The following ZNF233 variants were observed in gnomAD, a reference collection of about 807,000 sequenced individuals.
ZNF233 encodes zinc finger protein 233.
In ZNF233, 7 loss-of-function variants were observed where a neutral mutation model predicts 11.6. The ratio of observed to expected loss-of-function variants is 0.60; its 90% CI spans 0.34 to 1.13. ZNF233 has a LOEUF of 1.13. ZNF233 is among the 50% of genes most tolerant of loss of function. The pLI is 0.03. For missense variants in ZNF233, 711 were observed against 785.5 expected (o/e 0.91, Z 1.13); for synonymous variants, 226 against 268.5 (o/e 0.84, Z 1.55).
Position 44,274,991 on chromosome 19 carries a change from C to G in ZNF233, c.*318C>G, listed in dbSNP as rs1975354986. The G allele has an allele frequency of 2.4e-6, 1 of 410,628 alleles. No homozygotes were observed. Among genetic ancestry groups the G allele is most frequent in the African/African-American group, 2.1e-5 (1 of 48,692 alleles). The allele number at this position is 410,628 out of a possible 1,614,324, so 25.4% of individuals were successfully genotyped here. ...CAATAAGCAATATGCAGGAGTGAAG[C>G]CTTCAAAATGATAAGTAAGGTCAGA... is the stretch of plus-strand genomic sequence containing the variant. On this transcript the variant is annotated 3_prime_UTR_variant, in exon 5 of 5. Transcript: ENST00000683810.
Position 44,273,211 on chromosome 19 carries a change from G to A in ZNF233, c.551G>A (p.Arg184Lys), listed in dbSNP as rs758836318. 3 of 1,613,682 alleles carry A rather than the reference G, an allele frequency of 1.9e-6. No individual in the cohort carries two copies. In the African/African-American group the frequency reaches 4.0e-5, roughly 22 times the overall value. ...TTGAGGACCACCTGGGATTTCTGGA[G>A]GAAAATGTATCTGAGAGAACCACAG... The part of the protein sequence containing the change: ...LPLRTTWDFW[R>K]KMYLREPQNY... The change falls in exon 5 of 5, where the codon AGG becomes AAG. Residue 184 changes from arginine (R) to lysine (K), a missense_variant. Coordinates refer to ENST00000683810, the MANE Select transcript of ZNF233 (RefSeq NM_001207005.2).
At position 44,266,223 on chromosome 19, in the gene ZNF233, C is replaced by T. The variant is rs1439146106; in HGVS notation, c.41C>T (p.Ala14Val). 4 of 1,611,760 alleles carry T rather than the reference C, an allele frequency of 2.5e-6. No individual in the cohort carries two copies. In the Admixed American group the frequency reaches 5.0e-5, roughly 20 times the overall value. The change falls in exon 3 of 5, where the codon GCT becomes GTT. Residue 14 changes from alanine (A) to valine (V), a missense_variant. Physicochemically the swap from Ala to Val is moderately conservative, Grantham distance 64. Transcript: ENST00000683810. The part of the protein sequence containing the change: ...FQEMVTFKDV[A>V]VVFTREELGL... ...GAGATGGTGACATTCAAGGATGTGGCTGTGGTCTTCACCAGGGAGGAGCTG... is the reference window on the plus strand; with the variant it reads ...GAGATGGTGACATTCAAGGATGTGGTTGTGGTCTTCACCAGGGAGGAGCTG...
At chr19:44,264,410 A>T (rs939308169) in intron 2 of ZNF233, 35 bp downstream of exon 2, 11 of 1,598,004 alleles carry the variant, frequency 6.9e-6, no homozygotes, top group Non-Finnish European at 1.7e-6. Flanking sequence ...TCTTAAAATG[A>T]CATCTCTTTT....
chr19:44,274,018 A>T lies in ZNF233; in HGVS notation c.1358A>T (p.Lys453Ile). The T allele has an allele frequency of 6.3e-7, 1 of 1,597,868 alleles. No individual in the cohort carries two copies. The highest frequency in any genetic ancestry group is 1.7e-5 in the Admixed American group (1 of 59,300). ...QRVHTGEKPY[K>I]CEVCDKGFSK... ...GTTCACACTGGAGAGAAACCATATA[A>T]ATGTGAGGTATGTGATAAGGGCTTC... The change falls in exon 5 of 5, where the codon AAA becomes ATA. Residue 453 changes from lysine to isoleucine, a missense_variant. Lys to Ile is a moderately radical substitution (Grantham distance 102). Transcript: ENST00000683810.
chr19:44,274,193 C>T lies in ZNF233; in HGVS notation c.1533C>T (p.Asp511=), dbSNP rs1309445263. The T allele has an allele frequency of 9.3e-6, 15 of 1,612,038 alleles. No individual in the cohort carries two copies. In the South Asian group the frequency reaches 1.4e-4, roughly 15 times the overall value. ...VHTGEKPYKC[D]TCGKDFSQIS... ...CAGGAGAGAAACCCTACAAATGTGACACATGTGGGAAGGACTTCAGTCAGA... is the reference window on the plus strand; with the variant it reads ...CAGGAGAGAAACCCTACAAATGTGATACATGTGGGAAGGACTTCAGTCAGA... Residue 511 remains aspartate (D), a synonymous_variant, in exon 5 of 5, where the codon GAC becomes GAT. Coordinates refer to ENST00000683810, the MANE Select transcript of ZNF233 (RefSeq NM_001207005.2).
Position 44,264,365 on chromosome 19 carries a change from C to A in ZNF233, c.5C>A (p.Thr2Asn), listed in dbSNP as rs751891601. 37 of 1,613,198 alleles carry A rather than the reference C, an allele frequency of 2.3e-5. No individual in the cohort carries two copies. The highest frequency in any genetic ancestry group is 3.1e-5 in the Non-Finnish European group (36 of 1,179,790). ...CCCCAGAAGGAGCAGGAGAAAATGACCAAGTTTCAGGTGAGTTGAGTTTTG... is the reference window on the plus strand; with the variant it reads ...CCCCAGAAGGAGCAGGAGAAAATGAACAAGTTTCAGGTGAGTTGAGTTTTG... M[T>N]KFQEMVTFKD... Residue 2 changes from threonine (T) to asparagine (N), a missense_variant, in exon 2 of 5, where the codon ACC becomes AAC. By Grantham distance (65) the Thr-to-Asn change is moderately conservative. Coordinates refer to ENST00000683810, the MANE Select transcript of ZNF233 (RefSeq NM_001207005.2).
chr19:44,269,398 C>T (rs1049517519), intron 4 of ZNF233, among the ~76,000 whole-genome samples: 2 of 151,890 alleles, frequency 1.3e-5, no homozygotes, highest in Admixed American at 6.6e-5. Flanking sequence ...CAGGTTCAAG[C>T]GATTCTCCTG....
intron 4 of ZNF233, 51 bp downstream of exon 4, chr19:44,267,012 C>T: frequency 7.2e-7 from 1 of 1,392,418 alleles, no homozygotes; most frequent in Non-Finnish European, 1.0e-6. Flanking sequence ...TAGTCCTCTC[C>T]TCCTCACCAC....
At chr19:44,268,346 A>G (rs551050617) in intron 4 of ZNF233, 2 of 151,596 alleles carry the variant, frequency 1.3e-5, no homozygotes, top group South Asian at 4.2e-4. Context: ...TTTTCTTTTC[A>G]TTTTTCTTTT....
In ZNF233 at chr19:44,273,442, A is replaced by AT. The variant is rs755140447; in HGVS notation, c.783dup (p.Glu262Ter). On this transcript the variant is annotated frameshift_variant, in exon 5 of 5. Coordinates refer to ENST00000683810, the MANE Select transcript of ZNF233 (RefSeq NM_001207005.2). LOFTEE classifies it low-confidence loss of function (END_TRUNC). ...ATCCAATCAGGAGAGCAAACCTCTG[A>AT]TGAAAATGGAAAAGGCTTAAGTGTT... The AT allele has an allele frequency of 6.2e-7, 1 of 1,614,224 alleles. No individual in the cohort carries two copies. Among genetic ancestry groups the AT allele is most frequent in the Non-Finnish European group, 8.5e-7 (1 of 1,180,034 alleles).
At chr19:44,272,517 G>A (rs542233253) in intron 4 of ZNF233, among the ~76,000 whole-genome samples, 13 of 151,764 alleles carry the variant, frequency 8.6e-5, no homozygotes, top group African/African-American at 2.7e-4. Context: ...GGCGGTTCAC[G>A]AGGTCAGGAG....
chr19:44,269,863 T>G (rs977537238), intron 4 of ZNF233, among the ~76,000 whole-genome samples: 5 of 152,194 alleles, frequency 3.3e-5, no homozygotes, highest in Non-Finnish European at 5.9e-5. Context: ...CTCTCTTTAT[T>G]TTTTGGCAAA....
intron 1 of ZNF233, 111 bp downstream of exon 1, chr19:44,260,049 C>G (rs1437615609): frequency 2.7e-6 from 1 of 366,538 alleles, no homozygotes; most frequent in African/African-American, 2.2e-5. Context: ...AGGGCGGGGA[C>G]GACGGTTTGC....
chr19:44,273,269 A>G lies in ZNF233; in HGVS notation c.609A>G (p.Val203=). 1 of 1,613,502 alleles carries G rather than the reference A, an allele frequency of 6.2e-7. No homozygotes were observed. Among genetic ancestry groups the G allele is most frequent in the Non-Finnish European group, 8.5e-7 (1 of 1,180,012 alleles). ...NYQSRCQQID[V]KNKLCKCDHC... ...AGAGTAGGTGTCAGCAAATTGATGTAAAAAATAAGCTCTGTAAATGTGATC... is the reference window on the plus strand; with the variant it reads ...AGAGTAGGTGTCAGCAAATTGATGTGAAAAATAAGCTCTGTAAATGTGATC... Residue 203 remains valine, a synonymous_variant, in exon 5 of 5, where the codon GTA becomes GTG. Transcript: ENST00000683810.
intron 2 of ZNF233, among the ~76,000 whole-genome samples, chr19:44,265,070 C>T (rs947601402): frequency 4.6e-5 from 7 of 151,990 alleles, no homozygotes; most frequent in Non-Finnish European, 1.0e-4. Flanking sequence ...TATATTACCC[C>T]AAAAAGGTCC....
intron 3 of ZNF233, 75 bp downstream of exon 3, chr19:44,266,399 G>T: frequency 7.1e-7 from 1 of 1,400,924 alleles, no homozygotes; most frequent in South Asian, 1.9e-5. Context: ...AAGACTTTGG[G>T]ACGCTTAAAA....
At chr19:44,259,988 G>A (rs1338815133) in intron 1 of ZNF233, 50 bp downstream of exon 1, 1 of 445,604 alleles carries the variant, frequency 2.2e-6, no homozygotes, top group Non-Finnish European at 4.5e-6. Flanking sequence ...CCTGGCCTGG[G>A]CGTTGGACTC....
chr19:44,266,425 G>A, intron 3 of ZNF233, 101 bp downstream of exon 3: 1 of 1,354,952 alleles, frequency 7.4e-7, no homozygotes, highest in Non-Finnish European at 9.6e-7. Context: ...CCCTGAACTT[G>A]GGGATGTGAA....
At chr19:44,267,667 C>A in intron 4 of ZNF233, 1 of 363,080 alleles carries the variant, frequency 2.8e-6, no homozygotes, top group Non-Finnish European at 4.9e-6. Flanking sequence ...CAGGCATGAG[C>A]CACTGTGCCC....
Sources: gnomAD v4.1 joint callset for allele counts (sites outside exome capture counted in the v4.1 genomes callset) on GRCh38, gnomAD v4.1.1 for gene constraint, MANE v1.5 for transcripts, NCBI Gene and HGNC (gene_info 2026-07-23, HGNC 2026-07-21) for gene names.